Variants in SGCD observed in about 807,000 individuals in gnomAD.
SGCD encodes the protein delta-sarcoglycan.
A neutral mutation model predicts 36.6 loss-of-function variants in SGCD; 18 were observed. The observed-to-expected ratio is 0.49, with a 90% CI of 0.34 to 0.73. The LOEUF is 0.73. SGCD is among the 30% of genes least tolerant of loss of function. SGCD has a pLI of 0.01. For missense variants in SGCD, 387 were observed against 346.7 expected, an observed-to-expected ratio of 1.12 and a Z score of -0.92; for synonymous variants, 133 against 130.6, an observed-to-expected ratio of 1.02 and a Z score of -0.12.
In SGCD at chr5:156,385,509, A is replaced by G. The variant is rs148777722; in HGVS notation, c.192+40832A>G. ...TCAGGAGAAGATTTGTTTAAATTCA[A>G]CAATCCTCACTGGTATTTTATTTTC... On this transcript the variant is annotated intron_variant, in intron 3 of 8. Transcript: ENST00000337851. 2.9e-3 allele frequency among the ~76,000 whole-genome samples: 435 copies of G among 152,362 alleles called. 1 individual carries two copies. The highest frequency in any genetic ancestry group is 0.014 in the Middle Eastern group (4 of 294).
intron 3 of SGCD, among the ~76,000 whole-genome samples, chr5:156,129,096 G>A (rs935178249): frequency 6.6e-6 from 1 of 152,150 alleles, no homozygotes; most frequent in Admixed American, 6.5e-5. Context: ...TTTCTAGGGT[G>A]ATGGAAATGT....
At chr5:155,930,398 G>C (rs938947903) in intron 1 of SGCD, among the ~76,000 whole-genome samples, 1 of 152,216 alleles carries the variant, frequency 6.6e-6, no homozygotes. Context: ...TGAGCATACT[G>C]TATTGTGCAA....
chr5:155,800,042 C>T, the SGCD span, among the ~76,000 whole-genome samples: 1 of 152,034 alleles, frequency 6.6e-6, no homozygotes, highest in South Asian at 2.1e-4. Context: ...TTGTCTCGAA[C>T]TCCTGACCTC....
At chr5:155,945,035 C>A (rs1173951285) in intron 1 of SGCD, among the ~76,000 whole-genome samples, 1 of 151,800 alleles carries the variant, frequency 6.6e-6, no homozygotes, top group African/African-American at 2.4e-5. Flanking sequence ...ATTTTAGGTA[C>A]CAAAAATAAA....
intron 4 of SGCD, among the ~76,000 whole-genome samples, chr5:156,522,633 G>A (rs1165091248): frequency 6.6e-6 from 1 of 151,888 alleles, no homozygotes; most frequent in Non-Finnish European, 1.5e-5. Flanking sequence ...AATGCATGCT[G>A]GGCTTTAAAC....
chr5:155,945,075 T>C (rs1757411025), intron 1 of SGCD, among the ~76,000 whole-genome samples: 1 of 152,204 alleles, frequency 6.6e-6, no homozygotes, highest in African/African-American at 2.4e-5. Context: ...GAAGTTAAGT[T>C]TACAGATAAA....
intron 1 of SGCD, among the ~76,000 whole-genome samples, chr5:156,028,436 C>T (rs1331927992): frequency 6.6e-6 from 1 of 152,048 alleles, no homozygotes; most frequent in Non-Finnish European, 1.5e-5. Context: ...GAACTTGGGC[C>T]AGTTATTTAC....
the SGCD span, among the ~76,000 whole-genome samples, chr5:155,843,666 G>A: frequency 6.6e-6 from 1 of 152,218 alleles, no homozygotes; most frequent in Non-Finnish European, 1.5e-5. Flanking sequence ...ATATAGAAGA[G>A]GAGAGGTAAC....
chr5:155,753,675 G>A, the SGCD span, among the ~76,000 whole-genome samples: 1 of 152,174 alleles, frequency 6.6e-6, no homozygotes, highest in African/African-American at 2.4e-5. Context: ...AGAGAGGAAT[G>A]TCTCCCATTT....
At chr5:156,155,613 GAAA>G (rs56154305) in intron 3 of SGCD, among the ~76,000 whole-genome samples, 6 of 131,152 alleles carry the variant, frequency 4.6e-5, no homozygotes, top group African/African-American at 8.8e-5. Context: ...CGTGGGCTAG[GAAA>G]AAAAAAAAAA....
chr5:156,553,390 T>C (rs905505557), intron 4 of SGCD, among the ~76,000 whole-genome samples: 1 of 152,226 alleles, frequency 6.6e-6, no homozygotes, highest in Non-Finnish European at 1.5e-5. Flanking sequence ...TAAGTTTCCC[T>C]GATTTGATGT....
intron 1 of SGCD, among the ~76,000 whole-genome samples, chr5:156,086,421 C>T (rs565064712): frequency 6.6e-6 from 1 of 152,174 alleles, no homozygotes; most frequent in Non-Finnish European, 1.5e-5. Context: ...GGCAAAGGCT[C>T]TATGCCTTAA....
At chr5:155,763,801 C>T in the SGCD span, among the ~76,000 whole-genome samples, 1 of 149,302 alleles carries the variant, frequency 6.7e-6, no homozygotes, top group Non-Finnish European at 1.5e-5. Flanking sequence ...GCAATGACCC[C>T]CCACCAAAAC....
At chr5:156,032,605 C>T (rs553348550) in intron 1 of SGCD, among the ~76,000 whole-genome samples, 4 of 143,172 alleles carry the variant, frequency 2.8e-5, no homozygotes, top group Non-Finnish European at 6.0e-5. Flanking sequence ...GTATTCTCAG[C>T]TACTAGGGAG....
At chr5:156,336,598 G>T (rs1054616246) in intron 2 of SGCD, among the ~76,000 whole-genome samples, 2 of 151,966 alleles carry the variant, frequency 1.3e-5, no homozygotes, top group African/African-American at 4.8e-5. Flanking sequence ...GTTAGATTTA[G>T]AGCATTATGT....
chr5:155,833,100 C>T, the SGCD span, among the ~76,000 whole-genome samples: 30 of 147,668 alleles, frequency 2.0e-4, no homozygotes, highest in East Asian at 9.9e-4. Context: ...CATGGTGGGA[C>T]GCACCTGTAG....
intron 1 of SGCD, among the ~76,000 whole-genome samples, chr5:156,058,905 G>T (rs1254011687): frequency 6.9e-6 from 1 of 145,396 alleles, no homozygotes; most frequent in African/African-American, 2.5e-5. Context: ...GGGTGTATTG[G>T]ATCTTTCTGT....
chr5:156,153,668 G>A (rs1357747708), intron 3 of SGCD, among the ~76,000 whole-genome samples: 1 of 151,610 alleles, frequency 6.6e-6, no homozygotes, highest in Non-Finnish European at 1.5e-5. Flanking sequence ...CTCCTTGGGT[G>A]ATTTTGTAGC....
At chr5:156,601,317 G>A (rs191781099) in intron 6 of SGCD, among the ~76,000 whole-genome samples, 2 of 152,130 alleles carry the variant, frequency 1.3e-5, no homozygotes, top group Non-Finnish European at 2.9e-5. Context: ...TTTATATATA[G>A]TGAGAGGTAG....
Sources: allele counts gnomAD v4.1 joint callset (sites outside exome capture counted in the v4.1 genomes callset), GRCh38; gene constraint gnomAD v4.1.1; transcripts MANE v1.5; gene names NCBI Gene and HGNC (gene_info 2026-07-23, HGNC 2026-07-21).